The following KSR2 variants were observed in gnomAD, a reference collection of about 807,000 sequenced individuals.
KSR2 encodes the protein kinase suppressor of ras 2.
In KSR2, 25 loss-of-function variants were observed where a neutral mutation model predicts 107.8. The observed-to-expected ratio is 0.23, with a 90% confidence interval of 0.17 to 0.32. KSR2 has a LOEUF of 0.32. KSR2 is among the 10% of genes least tolerant of loss of function. The pLI, the probability that KSR2 is intolerant of heterozygous loss-of-function variation, is 1.00. For missense variants in KSR2, 887 were observed against 1,268.9 expected (o/e 0.70, Z 4.57); for synonymous variants, 480 against 507.0 (o/e 0.95, Z 0.71).
At chr12:117,483,266 T>C (rs1872273554) in intron 16 of KSR2, among the ~76,000 whole-genome samples, 4 of 152,270 alleles carry the variant, frequency 2.6e-5, no homozygotes, top group Admixed American at 1.3e-4. Context: ...AACAGCTACA[T>C]GAAGTTTTGT....
intron 5 of KSR2, among the ~76,000 whole-genome samples, chr12:117,624,896 G>A (rs1882389545): frequency 6.6e-6 from 1 of 152,144 alleles, no homozygotes; most frequent in African/African-American, 2.4e-5. Flanking sequence ...GTGGTTTATA[G>A]TTCTCCTTGA....
intron 3 of KSR2, among the ~76,000 whole-genome samples, chr12:117,853,923 G>A (rs928804352): frequency 1.3e-4 from 20 of 152,134 alleles, no homozygotes; most frequent in African/African-American, 4.6e-4. Context: ...GATGTTACTG[G>A]TATCTCATGG....
intron 9 of KSR2, among the ~76,000 whole-genome samples, chr12:117,550,291 C>T (rs1391808588): frequency 1.3e-5 from 2 of 152,166 alleles, no homozygotes; most frequent in South Asian, 2.1e-4. Flanking sequence ...TCACATCTGA[C>T]TCTGAAACTC....
chr12:117,676,973 A>G (rs1319266983), intron 4 of KSR2, among the ~76,000 whole-genome samples: 2 of 152,230 alleles, frequency 1.3e-5, no homozygotes, highest in Non-Finnish European at 2.9e-5. Flanking sequence ...TCTCAAACAC[A>G]CAAAGTCTGA....
chr12:117,664,332 T>TCA (rs1348255773), intron 5 of KSR2, among the ~76,000 whole-genome samples: 1 of 152,104 alleles, frequency 6.6e-6, no homozygotes, highest in African/African-American at 2.4e-5. Flanking sequence ...AGATGACGTG[T>TCA]CACCACCCTT....
At chr12:117,919,142 T>TAAAC (rs1566081778) in intron 1 of KSR2, among the ~76,000 whole-genome samples, 3 of 152,088 alleles carry the variant, frequency 2.0e-5, no homozygotes, top group Non-Finnish European at 2.9e-5. Flanking sequence ...CATTTCAAAA[T>TAAAC]AAATAAATAA....
At chr12:117,472,822 T>G (rs952531420) in intron 17 of KSR2, among the ~76,000 whole-genome samples, 1 of 152,236 alleles carries the variant, frequency 6.6e-6, no homozygotes, top group Non-Finnish European at 1.5e-5. Flanking sequence ...AGTTTTTTTG[T>G]GGAGGGAGGT....
chr12:117,822,636 T>C (rs929599198), intron 3 of KSR2, among the ~76,000 whole-genome samples: 6 of 152,208 alleles, frequency 3.9e-5, no homozygotes, highest in African/African-American at 7.2e-5. Flanking sequence ...TATGAATATA[T>C]GTATTCCTAC....
chr12:117,671,977 C>T (rs1037497580), intron 4 of KSR2, among the ~76,000 whole-genome samples: 3 of 152,248 alleles, frequency 2.0e-5, no homozygotes, highest in Non-Finnish European at 2.9e-5. Flanking sequence ...GCCTGCTGCT[C>T]GCTGGCTTGA....
intron 9 of KSR2, among the ~76,000 whole-genome samples, chr12:117,545,552 T>A (rs1279670692): frequency 6.6e-6 from 1 of 152,232 alleles, no homozygotes; most frequent in East Asian, 1.9e-4. Context: ...AATTGGTTTA[T>A]TTCATTTAAG....
chr12:117,619,678 AT>A (rs1237242460), intron 5 of KSR2, among the ~76,000 whole-genome samples: 5 of 151,060 alleles, frequency 3.3e-5, no homozygotes, highest in Admixed American at 6.6e-5. Context: ...TTAATTTTCA[AT>A]GTTAAAAATA....
chr12:117,533,624 A>T (rs1480223156), intron 10 of KSR2, among the ~76,000 whole-genome samples: 2 of 152,232 alleles, frequency 1.3e-5, no homozygotes, highest in Non-Finnish European at 2.9e-5. Context: ...CTACTTTATT[A>T]GTCAACAAGG....
intron 14 of KSR2, among the ~76,000 whole-genome samples, chr12:117,519,324 A>G (rs2137220719): frequency 6.6e-6 from 1 of 152,266 alleles, no homozygotes; most frequent in African/African-American, 2.4e-5. Context: ...GGGAGGAAGG[A>G]CCCGCTTTCT....
chr12:117,837,291 T>C (rs1466463666), intron 3 of KSR2, among the ~76,000 whole-genome samples: 1 of 152,126 alleles, frequency 6.6e-6, no homozygotes, highest in Non-Finnish European at 1.5e-5. Flanking sequence ...ACTCAGTTTT[T>C]CCTTACTTAA....
At chr12:117,616,176 CAG>C (rs1491387122) in intron 5 of KSR2, among the ~76,000 whole-genome samples, 1 of 114,284 alleles carries the variant, frequency 8.8e-6, no homozygotes, top group Non-Finnish European at 1.8e-5. Flanking sequence ...AAAAAAAAAA[CAG>C]ATTTTAAAAA....
At chr12:117,783,669 G>T (rs1889962828) in intron 3 of KSR2, among the ~76,000 whole-genome samples, 2 of 152,206 alleles carry the variant, frequency 1.3e-5, no homozygotes, top group African/African-American at 4.8e-5. Context: ...TGGCCATTAT[G>T]GCGGTGGTGA....
chr12:117,651,075 G>A (rs1883885004), intron 5 of KSR2, among the ~76,000 whole-genome samples: 1 of 152,212 alleles, frequency 6.6e-6, no homozygotes, highest in Non-Finnish European at 1.5e-5. Context: ...CCCTGATGAA[G>A]CTGGGGACAT....
intron 1 of KSR2, among the ~76,000 whole-genome samples, chr12:117,947,800 G>C (rs1294085883): frequency 6.6e-6 from 1 of 151,956 alleles, no homozygotes; most frequent in Non-Finnish European, 1.5e-5. Context: ...AAATACTTGA[G>C]CGTAAGTCTA....
intron 7 of KSR2, among the ~76,000 whole-genome samples, chr12:117,572,796 T>G (rs1248942898): frequency 1.3e-5 from 2 of 152,056 alleles, no homozygotes; most frequent in Admixed American, 6.6e-5. Flanking sequence ...CGTTGTGCAT[T>G]TTCCTGCAAG....
Sources: allele counts gnomAD v4.1 joint callset (sites outside exome capture counted in the v4.1 genomes callset), GRCh38; gene constraint gnomAD v4.1.1; transcripts MANE v1.5; gene names NCBI Gene and HGNC (gene_info 2026-07-23, HGNC 2026-07-21).